Variants in RNF216 observed in about 807,000 individuals in gnomAD.
RNF216 encodes E3 ubiquitin-protein ligase RNF216.
Under a neutral mutation model 110.8 loss-of-function variants are expected in RNF216, and 72 were observed. The observed-to-expected ratio is 0.65, with a 90% CI of 0.54 to 0.79. The LOEUF is 0.79. RNF216 is among the 30% of genes least tolerant of loss of function. The pLI is 0.00. For synonymous variants in RNF216, 495 were observed against 407.5 expected (o/e 1.21, Z -2.59); for missense variants, 1,342 against 1,141.2 (o/e 1.18, Z -2.54).
chr7:5,770,024 CAAAAA>C (rs1163710982), intron 1 of RNF216, among the ~76,000 whole-genome samples: 4 of 24,138 alleles, frequency 1.7e-4, no homozygotes, highest in Admixed American at 7.7e-4. Flanking sequence ...AGACCCATCT[CAAAAA>C]AAAAAAAAAA....
chr7:5,675,143 C>A (rs1390193190), intron 13 of RNF216, among the ~76,000 whole-genome samples: 1 of 152,146 alleles, frequency 6.6e-6, no homozygotes, highest in Non-Finnish European at 1.5e-5. Context: ...TGGCAGGGAA[C>A]AATGTAGTGA....
chr7:5,712,731 C>T lies in RNF216; in HGVS notation c.1966G>A (p.Ala656Thr), dbSNP rs750687701. Residue 656 changes from alanine to threonine, a missense_variant, in exon 12 of 17, where the codon GCC (alanine) becomes ACC (threonine). Ala to Thr is a moderately conservative substitution (Grantham distance 58, BLOSUM62 0). Transcript: ENST00000389902. ...KAEEEVAAAY[A>T]DELVRCPSCS... ...AGAACGAACCTGACAAGCTCGTCGG[C>T]GTAGGCTGCCGCAACCTCCTCCTCG... 8.7e-6 allele frequency: 14 copies of T among 1,614,050 alleles called. No homozygotes were observed. In the East Asian group the frequency reaches 1.1e-4, roughly 13 times the overall value.
chr7:5,752,267 A>G (rs1795372163), intron 3 of RNF216, among the ~76,000 whole-genome samples: 1 of 152,138 alleles, frequency 6.6e-6, no homozygotes, highest in Non-Finnish European at 1.5e-5. Context: ...ACCAAGAAAA[A>G]CAAAAAATGC....
chr7:5,715,274 A>AC, intron 10 of RNF216, 84 bp from the exon 11 acceptor site: 2 of 1,416,432 alleles, frequency 1.4e-6, no homozygotes, highest in South Asian at 1.3e-5. Context: ...TCTCTCTGCC[A>AC]CCCCCCACAC....
At chr7:5,716,657 G>A (rs1269981580) in intron 10 of RNF216, 59 bp downstream of exon 10, 2 of 1,365,894 alleles carry the variant, frequency 1.5e-6, no homozygotes, top group Admixed American at 4.2e-5. Context: ...GACAAAACAT[G>A]GTAAGAGAAA....
At chr7:5,676,822 T>C (rs1405005378) in intron 13 of RNF216, among the ~76,000 whole-genome samples, 4 of 152,234 alleles carry the variant, frequency 2.6e-5, no homozygotes, top group Non-Finnish European at 2.9e-5. Context: ...AAGCACTTCC[T>C]CTCTGGTCAT....
intron 15 of RNF216, among the ~76,000 whole-genome samples, chr7:5,636,858 C>T (rs1358303179): frequency 6.6e-6 from 1 of 152,184 alleles, no homozygotes; most frequent in African/African-American, 2.4e-5. Flanking sequence ...CAAGGCAGTG[C>T]ATGCTATGGC....
chr7:5,691,004 C>T (rs1791301592), intron 13 of RNF216, among the ~76,000 whole-genome samples: 1 of 152,238 alleles, frequency 6.6e-6, no homozygotes, highest in South Asian at 2.1e-4. Context: ...TCCACCTCCA[C>T]ACACCCCCTG....
At chr7:5,685,430 T>C (rs764478108) in intron 13 of RNF216, among the ~76,000 whole-genome samples, 5 of 152,024 alleles carry the variant, frequency 3.3e-5, no homozygotes, top group Non-Finnish European at 7.4e-5. Flanking sequence ...TAAGGGAGGA[T>C]TGTTGGGAGG....
At chr7:5,740,104 C>CCTTTTT (rs1794670036) in intron 4 of RNF216, among the ~76,000 whole-genome samples, 2 of 118,502 alleles carry the variant, frequency 1.7e-5, no homozygotes, top group Non-Finnish European at 3.5e-5. Context: ...GATGTAACAC[C>CCTTTTT]TTTTTTTTTT....
At chr7:5,646,010 G>GCA (rs1788028997) in intron 14 of RNF216, among the ~76,000 whole-genome samples, 1 of 152,262 alleles carries the variant, frequency 6.6e-6, no homozygotes, top group African/African-American at 2.4e-5. Flanking sequence ...CTGATTCAAA[G>GCA]CATTTGTTTA....
chr7:5,744,784 C>T (rs2128657101), intron 3 of RNF216, among the ~76,000 whole-genome samples: 1 of 152,206 alleles, frequency 6.6e-6, no homozygotes. Context: ...ACCAGCCTGA[C>T]CAACATGGTG....
intron 3 of RNF216, among the ~76,000 whole-genome samples, chr7:5,750,053 A>G (rs1156361568): frequency 6.6e-6 from 1 of 152,250 alleles, no homozygotes; most frequent in African/African-American, 2.4e-5. Context: ...CAGAATTTGC[A>G]AACTATTCAT....
intron 12 of RNF216, chr7:5,712,047 A>C (rs1350860286): frequency 3.5e-6 from 2 of 564,218 alleles, no homozygotes; most frequent in African/African-American, 1.9e-5. Flanking sequence ...TGAGGTCCTG[A>C]CTGAATATAA....
chr7:5,722,875 A>C (rs1793522949), intron 8 of RNF216, among the ~76,000 whole-genome samples: 1 of 151,892 alleles, frequency 6.6e-6, no homozygotes, highest in Non-Finnish European at 1.5e-5. Context: ...GCACACCTGT[A>C]ATTAATTCCA....
At position 5,680,673 on chromosome 7, in the gene RNF216, A is replaced by G. The variant is rs1790593133; in HGVS notation, c.2062-28163T>C. The stretch of plus-strand genomic sequence containing the variant: ...CGACTCGGCCTCCCAAAGTGCTGGG[A>G]TTACAGGTGTGAGCCACCGCGCCCA... On this transcript the variant is annotated intron_variant, in intron 13 of 16. Transcript: ENST00000389902. This position sits in a 1 kb window ranked among gnomAD's most constrained non-coding sequence, Gnocchi z 4.3. Among the ~76,000 whole-genome samples, 1 of 152,006 alleles carries G rather than the reference A, an allele frequency of 6.6e-6. No homozygotes were observed. Among genetic ancestry groups the G allele is most frequent in the Non-Finnish European group, 1.5e-5 (1 of 67,996 alleles).
At chr7:5,768,894 C>G (rs1166016260) in intron 1 of RNF216, among the ~76,000 whole-genome samples, 1 of 151,830 alleles carries the variant, frequency 6.6e-6, no homozygotes, top group Non-Finnish European at 1.5e-5. Flanking sequence ...ATCTCCTGAC[C>G]TCGTGATCCA....
intron 15 of RNF216, among the ~76,000 whole-genome samples, chr7:5,632,918 A>G (rs1449441093): frequency 6.6e-6 from 1 of 152,206 alleles, no homozygotes; most frequent in Non-Finnish European, 1.5e-5. Flanking sequence ...TGCAGTGTCA[A>G]GGACAAAGGG....
intron 15 of RNF216, among the ~76,000 whole-genome samples, chr7:5,628,365 TAG>T (rs1786845610): frequency 1.1e-4 from 17 of 152,194 alleles, no homozygotes; most frequent in Admixed American, 1.1e-3. Flanking sequence ...CAGTTATACC[TAG>T]ATATAGGGTT....
Sources: gnomAD v4.1 joint callset for allele counts (sites outside exome capture counted in the v4.1 genomes callset) on GRCh38, gnomAD v4.1.1 for gene constraint, Gnocchi (gnomAD v3.1) non-coding constraint, MANE v1.5 for transcripts, NCBI Gene and HGNC (gene_info 2026-07-23, HGNC 2026-07-21) for gene names.